The following RBMS3 variants were observed in gnomAD, a reference collection of about 807,000 sequenced individuals.
RBMS3 encodes RNA binding motif single stranded interacting protein 3.
A neutral mutation model predicts 66.8 loss-of-function variants in RBMS3; 27 were observed. The observed-to-expected ratio is 0.40, with a 90% CI of 0.30 to 0.56. RBMS3 has a LOEUF of 0.56. RBMS3 is among the 20% of genes least tolerant of loss of function. The pLI, the probability that RBMS3 is intolerant of heterozygous loss-of-function variation, is 0.40. For missense variants in RBMS3, 513 were observed against 549.5 expected, an observed-to-expected ratio of 0.93 and a Z score of 0.66; for synonymous variants, 188 against 183.0, an observed-to-expected ratio of 1.03 and a Z score of -0.22.
intron 4 of RBMS3, among the ~76,000 whole-genome samples, chr3:29,594,051 G>C (rs375230249): frequency 2.0e-4 from 30 of 152,126 alleles, no homozygotes; most frequent in African/African-American, 7.2e-4. Flanking sequence ...AATGAGAGGA[G>C]AAAACTATAC....
rs117630135 is a variant in RBMS3 at position 29,637,316 on chromosome 3, A to G, written c.399+50111A>G. ...TTGCCATAGGCAGAAACTAAAAACC[A>G]TATAGAAACCTTAGTTGATATGCTC... On this transcript the variant is annotated intron_variant, in intron 4 of 14. Coordinates refer to ENST00000383767, the MANE Select transcript of RBMS3 (RefSeq NM_001003793.3). Among the ~76,000 whole-genome samples the G allele has an allele frequency of 5.9e-4, 89 of 151,964 alleles. 1 individual carries two copies. Among genetic ancestry groups the G allele is most frequent in the African/African-American group, 2.1e-3 (87 of 41,496 alleles).
chr3:29,752,651 G>A (rs911543758), intron 5 of RBMS3, among the ~76,000 whole-genome samples: 14 of 152,094 alleles, frequency 9.2e-5, no homozygotes, highest in African/African-American at 3.1e-4. Flanking sequence ...ACACATAGAA[G>A]CAAATTTTGT....
intron 10 of RBMS3, among the ~76,000 whole-genome samples, chr3:29,923,867 G>A (rs768821349): frequency 5.3e-5 from 8 of 151,958 alleles, no homozygotes; most frequent in Non-Finnish European, 8.8e-5. Context: ...AGTCCTATTT[G>A]TTCCTGTTAA....
At chr3:29,429,117 T>A (rs2041082657) in intron 1 of RBMS3, among the ~76,000 whole-genome samples, 1 of 152,086 alleles carries the variant, frequency 6.6e-6, no homozygotes, top group African/African-American at 2.4e-5. Flanking sequence ...GGAGTCAGAG[T>A]CCCTGGCCTC....
At chr3:29,531,558 G>A (rs1205885734) in intron 3 of RBMS3, among the ~76,000 whole-genome samples, 3 of 152,162 alleles carry the variant, frequency 2.0e-5, no homozygotes, top group East Asian at 3.9e-4. Flanking sequence ...CTTTCAGAGC[G>A]GAATTTTGTA....
At chr3:29,644,497 T>A (rs995400883) in intron 4 of RBMS3, among the ~76,000 whole-genome samples, 2 of 152,178 alleles carry the variant, frequency 1.3e-5, no homozygotes, top group Non-Finnish European at 2.9e-5. Flanking sequence ...GAGCCTAACG[T>A]GTCTCAGATG....
At chr3:29,311,269 CT>C (rs1298214050) in intron 1 of RBMS3, among the ~76,000 whole-genome samples, 1 of 151,740 alleles carries the variant, frequency 6.6e-6, no homozygotes, top group Non-Finnish European at 1.5e-5. Context: ...TTCTCCAGTT[CT>C]CTAATATACC....
At chr3:29,922,612 T>C (rs975130580) in intron 10 of RBMS3, among the ~76,000 whole-genome samples, 6 of 152,190 alleles carry the variant, frequency 3.9e-5, no homozygotes, top group Non-Finnish European at 8.8e-5. Flanking sequence ...TAAAAAGTTA[T>C]GAAGGCTCTA....
intron 4 of RBMS3, among the ~76,000 whole-genome samples, chr3:29,723,315 A>G (rs1219343596): frequency 6.6e-6 from 1 of 152,136 alleles, no homozygotes; most frequent in Non-Finnish European, 1.5e-5. Flanking sequence ...GTTCTAGCCT[A>G]AATAAATTAT....
intron 12 of RBMS3, among the ~76,000 whole-genome samples, chr3:29,949,857 C>T (rs1196070194): frequency 6.6e-6 from 1 of 151,674 alleles, no homozygotes; most frequent in African/African-American, 2.4e-5. Context: ...TTATTATCCT[C>T]TTGGCAGCCT....
intron 4 of RBMS3, among the ~76,000 whole-genome samples, chr3:29,700,297 C>G (rs1240060935): frequency 6.6e-6 from 1 of 152,136 alleles, no homozygotes. Flanking sequence ...TTAGTCAAGA[C>G]AGGAATAGTA....
chr3:29,401,463 AC>A (rs1198015149), intron 1 of RBMS3, among the ~76,000 whole-genome samples: 1 of 152,076 alleles, frequency 6.6e-6, no homozygotes, highest in Non-Finnish European at 1.5e-5. Flanking sequence ...GACAATATAT[AC>A]CTCTTCATCA....
intron 4 of RBMS3, among the ~76,000 whole-genome samples, chr3:29,602,662 T>C (rs1396188167): frequency 6.6e-6 from 1 of 152,056 alleles, no homozygotes; most frequent in African/African-American, 2.4e-5. Context: ...ACATTATTAG[T>C]ATCACAATTT....
At chr3:29,479,526 A>C (rs1022102403) in intron 2 of RBMS3, among the ~76,000 whole-genome samples, 3 of 151,662 alleles carry the variant, frequency 2.0e-5, no homozygotes, top group East Asian at 3.9e-4. Context: ...ACAACATATA[A>C]AATAATAAAT....
chr3:29,748,849 C>T (rs2055047991), intron 5 of RBMS3, among the ~76,000 whole-genome samples: 1 of 152,166 alleles, frequency 6.6e-6, no homozygotes, highest in African/African-American at 2.4e-5. Context: ...ATGGTTCTGT[C>T]CCACTCAGGT....
intron 8 of RBMS3, among the ~76,000 whole-genome samples, chr3:29,897,009 A>G (rs970289378): frequency 4.6e-5 from 7 of 151,578 alleles, no homozygotes; most frequent in African/African-American, 1.7e-4. Flanking sequence ...CATAGATGCA[A>G]TTCCTGTATT....
intron 1 of RBMS3, among the ~76,000 whole-genome samples, chr3:29,431,296 C>CTTTT (rs1375213536): frequency 1.1e-5 from 1 of 94,770 alleles, no homozygotes; most frequent in Non-Finnish European, 1.9e-5. Context: ...TTTCTTTTTC[C>CTTTT]TTTTCTTTTT....
At chr3:29,313,075 T>A (rs2034475213) in intron 1 of RBMS3, among the ~76,000 whole-genome samples, 1 of 151,794 alleles carries the variant, frequency 6.6e-6, no homozygotes, top group South Asian at 2.1e-4. Context: ...TCTTACCATC[T>A]GTGGATCATA....
intron 2 of RBMS3, among the ~76,000 whole-genome samples, chr3:29,444,437 G>T (rs893924101): frequency 3.9e-5 from 6 of 151,958 alleles, no homozygotes; most frequent in African/African-American, 1.2e-4. Flanking sequence ...AACAATAAAA[G>T]AAAATGTTCA....
Sources: allele counts gnomAD v4.1 joint callset (sites outside exome capture counted in the v4.1 genomes callset), GRCh38; gene constraint gnomAD v4.1.1; transcripts MANE v1.5; gene names NCBI Gene and HGNC (gene_info 2026-07-23, HGNC 2026-07-21).